Variants in NT5C2 observed in about 807,000 individuals in gnomAD.
NT5C2 encodes 5'-nucleotidase, cytosolic II, also known as cytosolic purine 5'-nucleotidase.
NT5C2 carries 58 observed loss-of-function variants against 76.1 expected under a neutral mutation model. That is an observed-to-expected ratio of 0.76 (90% CI 0.62 to 0.95). The LOEUF is 0.95. Among genes scored for constraint, NT5C2 ranks in the 40% least tolerant of loss-of-function variants. NT5C2 has a pLI of 0.00. For missense variants in NT5C2, 478 were observed against 690.3 expected, an observed-to-expected ratio of 0.69 and a Z score of 3.45; for synonymous variants, 229 against 237.4, an observed-to-expected ratio of 0.96 and a Z score of 0.32.
At chr10:103,091,514 T>G (rs1204010967) in intron 16 of NT5C2, 50 bp downstream of exon 16, 2 of 1,366,488 alleles carry the variant, frequency 1.5e-6, no homozygotes, top group Non-Finnish European at 2.1e-6. Flanking sequence ...TTCTTATATC[T>G]AAGTGATTCC....
chr10:103,183,945 G>C (rs2091665921), intron 1 of NT5C2, among the ~76,000 whole-genome samples: 1 of 150,144 alleles, frequency 6.7e-6, no homozygotes, highest in Non-Finnish European at 1.5e-5. Flanking sequence ...ATAAGTTTTT[G>C]GTTTTTTTTT....
intron 1 of NT5C2, among the ~76,000 whole-genome samples, chr10:103,188,088 G>A (rs1239797210): frequency 6.6e-6 from 1 of 152,228 alleles, no homozygotes; most frequent in Non-Finnish European, 1.5e-5. Flanking sequence ...CGGACGCGGT[G>A]GCTCACGCCT....
intron 3 of NT5C2, among the ~76,000 whole-genome samples, chr10:103,143,627 T>G (rs186185218): frequency 0.092 from 13,081 of 141,698 alleles, 834 homozygotes; most frequent in East Asian, 0.27. Context: ...TTTTTTTTTT[T>G]TTTTTGTAGA....
intron 2 of NT5C2, 24 bp downstream of exon 2, chr10:103,181,161 T>C (rs2090999045): frequency 6.6e-6 from 1 of 152,016 alleles, no homozygotes. Flanking sequence ...ATTTATTATA[T>C]ACTCTGTGCA....
At chr10:103,102,260 T>C (rs1418344324) in intron 6 of NT5C2, among the ~76,000 whole-genome samples, 1 of 152,000 alleles carries the variant, frequency 6.6e-6, no homozygotes, top group East Asian at 1.9e-4. Flanking sequence ...TAGAAAAACA[T>C]GTGTGTATTG....
intron 3 of NT5C2, among the ~76,000 whole-genome samples, chr10:103,164,483 CTT>C (rs997719572): frequency 6.6e-6 from 1 of 152,018 alleles, no homozygotes; most frequent in African/African-American, 2.4e-5. Context: ...GTCTCGATCT[CTT>C]GACCTTGTGA....
chr10:103,188,393 G>GA lies in NT5C2; in HGVS notation c.-169+4842dup, dbSNP rs200739932. Among the ~76,000 whole-genome samples the GA allele has an allele frequency of 9.3e-3, 1,411 of 151,982 alleles. 25 individuals carry two copies. The highest frequency in any genetic ancestry group is 0.031 in the African/African-American group (1,299 of 41,482). On this transcript the variant is annotated intron_variant, in intron 1 of 18. Coordinates refer to ENST00000404739, the MANE Select transcript of NT5C2 (RefSeq NM_001351169.2). ...ATAAAAAATAAAGATAAACTAAGCA[G>GA]AAAAAAATACGCACTGTCAATAAAC...
At chr10:103,093,760 T>A (rs544678688) in intron 14 of NT5C2, 6 of 509,380 alleles carry the variant, frequency 1.2e-5, no homozygotes, top group Admixed American at 3.3e-5. Context: ...AAAAAACTGA[T>A]CATTTTAGTG....
At chr10:103,183,262 GATATATATATATATATATATATAT>G (rs201371414) in intron 1 of NT5C2, among the ~76,000 whole-genome samples, 1 of 73,344 alleles carries the variant, frequency 1.4e-5, no homozygotes, top group Non-Finnish European at 2.3e-5. Context: ...GTGTGTGTGT[GATATATATATATATATATATATAT>G]ATATATATCA....
chr10:103,183,293 A>C (rs1462331415), intron 1 of NT5C2, among the ~76,000 whole-genome samples: 7 of 109,388 alleles, frequency 6.4e-5, no homozygotes, highest in East Asian at 4.2e-4. Context: ...ATATATATAT[A>C]TCACACACTC....
At chr10:103,107,505 G>A (rs534617027) in intron 4 of NT5C2, among the ~76,000 whole-genome samples, 5 of 151,548 alleles carry the variant, frequency 3.3e-5, no homozygotes, top group East Asian at 2.0e-4. Flanking sequence ...TGAAACCCCC[G>A]TCTCTATTAA....
At chr10:103,110,337 T>C (rs2072650463) in intron 4 of NT5C2, among the ~76,000 whole-genome samples, 1 of 152,112 alleles carries the variant, frequency 6.6e-6, no homozygotes, top group South Asian at 2.1e-4. Flanking sequence ...GCACCTGCAG[T>C]CCCAGCTACT....
rs566378596 is a variant in NT5C2 at position 103,089,102 on chromosome 10, C to A, written c.*570G>T. On this transcript the variant is annotated 3_prime_UTR_variant, in exon 19 of 19. Coordinates refer to ENST00000404739, the MANE Select transcript of NT5C2 (RefSeq NM_001351169.2). ...AAAGCAACGCAAGTAGAGCATACTT[C>A]TGTGCAAAGCCAGTGATAGAGAAGC... The A allele has an allele frequency of 4.0e-5, 9 of 226,758 alleles. No homozygotes were observed. The highest frequency in any genetic ancestry group is 7.0e-5 in the Non-Finnish European group (8 of 114,114). The allele number at this position is 226,758 out of a possible 1,614,324, so 14.0% of individuals were successfully genotyped here.
intron 3 of NT5C2, among the ~76,000 whole-genome samples, chr10:103,171,932 G>A (rs141833423): frequency 4.6e-5 from 7 of 152,144 alleles, no homozygotes; most frequent in South Asian, 2.1e-4. Context: ...GGTTAAGGCC[G>A]GGAGCAGTGG....
intron 3 of NT5C2, among the ~76,000 whole-genome samples, chr10:103,157,119 G>A (rs2083579874): frequency 6.7e-6 from 1 of 149,274 alleles, no homozygotes; most frequent in South Asian, 2.1e-4. Context: ...GTTGTATTAT[G>A]TTAAATTATT....
At chr10:103,094,953 A>G (rs2067838888) in intron 12 of NT5C2, among the ~76,000 whole-genome samples, 1 of 152,090 alleles carries the variant, frequency 6.6e-6, no homozygotes, top group African/African-American at 2.4e-5. Flanking sequence ...TATAAATAAT[A>G]AATAACTGTA....
intron 6 of NT5C2, 103 bp downstream of exon 6, chr10:103,105,603 G>T: frequency 1.2e-6 from 1 of 809,946 alleles, no homozygotes; most frequent in Non-Finnish European, 2.0e-6. Flanking sequence ...GCTCTTTAAT[G>T]ATGAAAAGTA....
chr10:103,093,876 CTA>C, intron 14 of NT5C2, 94 bp downstream of exon 14: 1 of 912,648 alleles, frequency 1.1e-6, no homozygotes, highest in Non-Finnish European at 1.8e-6. Context: ...TCTTAGACTA[CTA>C]AACAGTATAT....
intron 1 of NT5C2, among the ~76,000 whole-genome samples, chr10:103,181,985 G>A (rs968051564): frequency 1.3e-5 from 2 of 151,640 alleles, no homozygotes; most frequent in African/African-American, 2.4e-5. Context: ...ACTCCAGCCT[G>A]GGCAACAGAG....
Sources: gnomAD v4.1 joint callset for allele counts (sites outside exome capture counted in the v4.1 genomes callset) on GRCh38, gnomAD v4.1.1 for gene constraint, MANE v1.5 for transcripts, NCBI Gene and HGNC (gene_info 2026-07-23, HGNC 2026-07-21) for gene names.